FAM222B: variants seen among roughly 807,000 people sequenced by gnomAD.
The protein encoded by FAM222B is protein FAM222B.
A neutral mutation model predicts 38.0 loss-of-function variants in FAM222B; 12 were observed. The ratio of observed to expected loss-of-function variants is 0.32; its 90% CI spans 0.20 to 0.51. The LOEUF (loss-of-function observed/expected upper bound fraction) is 0.51, where lower values mean the gene tolerates loss of function less well. Among genes scored for constraint, FAM222B ranks in the 20% least tolerant of loss-of-function variants. The pLI, the probability that FAM222B is intolerant of heterozygous loss-of-function variation, is 0.97. For missense variants in FAM222B, 716 were observed against 754.2 expected (o/e 0.95, Z 0.59); for synonymous variants, 329 against 317.2 (o/e 1.04, Z -0.40).
At chr17:28,763,981 G>C (rs1567794654) in intron 2 of FAM222B, among the ~76,000 whole-genome samples, 1 of 152,132 alleles carries the variant, frequency 6.6e-6, no homozygotes, top group East Asian at 1.9e-4. Flanking sequence ...TGCCATGGAA[G>C]GAAATCAAAG....
chr17:28,791,650 T>C (rs1037074550), intron 1 of FAM222B, among the ~76,000 whole-genome samples: 4 of 148,368 alleles, frequency 2.7e-5, no homozygotes, highest in African/African-American at 9.9e-5. Flanking sequence ...GGAGATTGAG[T>C]CAGGAGAATC....
At chr17:28,784,434 CCTGTGAAT>C (rs940547831) in intron 1 of FAM222B, among the ~76,000 whole-genome samples, 1 of 129,964 alleles carries the variant, frequency 7.7e-6, no homozygotes, top group Non-Finnish European at 1.6e-5. Flanking sequence ...CATAGTGACA[CCTGTGAAT>C]ATCCACTGTA....
chr17:28,794,192 C>T (rs2036832569), intron 1 of FAM222B, among the ~76,000 whole-genome samples: 1 of 151,298 alleles, frequency 6.6e-6, no homozygotes. Context: ...AATCTAATAA[C>T]AGCACCAGCT....
Position 28,758,237 on chromosome 17 carries a change from T to C in FAM222B, c.*33A>G. On this transcript the variant is annotated 3_prime_UTR_variant, in exon 3 of 3. Coordinates refer to ENST00000581407, the MANE Select transcript of FAM222B (RefSeq NM_001077498.3). ...AGACTAAACCTAGGAGGGTGATGTA[T>C]GATGTGTTGCACGTGGAGGGCAGCA... The C allele has an allele frequency of 4.7e-6, 7 of 1,495,920 alleles. No homozygotes were observed. Among genetic ancestry groups the C allele is most frequent in the Non-Finnish European group, 5.4e-6 (6 of 1,107,958 alleles). The allele number at this position is 1,495,920 out of a possible 1,614,324, so 92.7% of individuals were successfully genotyped here.
intron 1 of FAM222B, among the ~76,000 whole-genome samples, chr17:28,797,233 TG>T (rs2036984989): frequency 6.6e-6 from 1 of 152,018 alleles, no homozygotes; most frequent in Admixed American, 6.6e-5. Context: ...TGGCCTCAAC[TG>T]ATCTGCCCAC....
In FAM222B at chr17:28,854,858, T is replaced by C. The variant is rs181019687; in HGVS notation, c.-41+92A>G. ...CTTGCACAGACTCTAAATACACATTTTCCCCTTTCCTTAGCCTCCACCAGT... is the reference window on the plus strand; with the variant it reads ...CTTGCACAGACTCTAAATACACATTCTCCCCTTTCCTTAGCCTCCACCAGT... On this transcript the variant is annotated intron_variant, in intron 1 of 2. Transcript: ENST00000577513. 6 of 625,286 alleles carry C rather than the reference T, an allele frequency of 9.6e-6. No individual in the cohort carries two copies. The East Asian group carries it at 1.7e-4, about 18-fold the overall frequency. 38.7% of individuals were successfully genotyped at this position (625,286 alleles called of 1,614,324 possible).
rs746524449 is a variant in FAM222B, at chr17:28,758,380, G to C, written c.1579C>G (p.Arg527Gly). 1 of 1,613,754 alleles carries C rather than the reference G, an allele frequency of 6.2e-7. No homozygotes were observed. The highest frequency in any genetic ancestry group is 8.5e-7 in the Non-Finnish European group (1 of 1,179,868). Residue 527 changes from arginine to glycine, a missense_variant, in exon 3 of 3, where the codon CGA becomes GGA. Transcript: ENST00000581407. ...CTCAGCATGGCCAGGCTCTGTTCTC[G>C]GAAGCAGGCCTGTTGGAAATCCCCA... The part of the protein sequence containing the change: ...LSGDFQQACF[R>G]EQSLAMLSKA...
chr17:28,841,415 C>A (rs183650988), intron 1 of FAM222B, among the ~76,000 whole-genome samples: 7 of 152,340 alleles, frequency 4.6e-5, no homozygotes, highest in African/African-American at 1.7e-4. Flanking sequence ...CGCACTGTCA[C>A]CCGAACTGGA....
intron 1 of FAM222B, among the ~76,000 whole-genome samples, chr17:28,853,985 C>A (rs1225422136): frequency 6.7e-6 from 1 of 150,276 alleles, no homozygotes; most frequent in East Asian, 1.9e-4. Flanking sequence ...GCTCTATCGC[C>A]CAGGCTGGAG....
chr17:28,795,248 G>C (rs1231620399), intron 1 of FAM222B, among the ~76,000 whole-genome samples: 1 of 152,134 alleles, frequency 6.6e-6, no homozygotes, highest in African/African-American at 2.4e-5. Flanking sequence ...CACTTCAAGC[G>C]ATTCTCCCAC....
chr17:28,761,440 T>C (rs2035066765), intron 2 of FAM222B, among the ~76,000 whole-genome samples: 2 of 152,208 alleles, frequency 1.3e-5, no homozygotes, highest in South Asian at 4.1e-4. Flanking sequence ...TACTTCCTCC[T>C]CTTGCAAAAG....
rs1268284499 is a variant in FAM222B at position 28,812,758 on chromosome 17, C to G, written c.-41+29924G>C. On this transcript the variant is annotated intron_variant, in intron 1 of 2. Transcript: ENST00000581407. ...TTTGCACCCCTTCTCCCTCTGTCCC[C>G]TTGTCCCCTCCCACTTTCTGCCTGG... Among the ~76,000 whole-genome samples the G allele has an allele frequency of 2.0e-5, 3 of 151,862 alleles. No individual in the cohort carries two copies. In the East Asian group the frequency reaches 5.8e-4, roughly 29 times the overall value.
At chr17:28,847,201 C>T (rs1297891819), upstream of FAM222B, among the ~76,000 whole-genome samples, 2 of 151,144 alleles carry the variant, frequency 1.3e-5, no homozygotes, top group African/African-American at 2.4e-5. Context: ...CCAGCCTGAA[C>T]GACAGAGACT....
chr17:28,808,517 A>G (rs2151918041), intron 1 of FAM222B, among the ~76,000 whole-genome samples: 1 of 152,364 alleles, frequency 6.6e-6, no homozygotes, highest in Non-Finnish European at 1.5e-5. Flanking sequence ...ACCATTCTTT[A>G]GGAAGAGTTC....
chr17:28,839,001 G>A (rs867519847), intron 1 of FAM222B, among the ~76,000 whole-genome samples: 2 of 151,868 alleles, frequency 1.3e-5, no homozygotes, highest in Non-Finnish European at 2.9e-5. Flanking sequence ...TCAGGAGATC[G>A]ACACCATCCT....
At chr17:28,777,282 T>C (rs1166875926) in intron 1 of FAM222B, 1 of 152,222 alleles carries the variant, frequency 6.6e-6, no homozygotes, top group East Asian at 1.9e-4. Context: ...GGAAACCTGC[T>C]TCTAAACTAT....
chr17:28,823,485 T>C (rs1005457880), intron 1 of FAM222B, among the ~76,000 whole-genome samples: 1 of 151,798 alleles, frequency 6.6e-6, no homozygotes, highest in African/African-American at 2.4e-5. Context: ...ACTCAAGCAA[T>C]TCTCCCACCT....
At chr17:28,850,184 T>C (rs923107892) in intron 1 of FAM222B, among the ~76,000 whole-genome samples, 1 of 152,072 alleles carries the variant, frequency 6.6e-6, no homozygotes, top group Non-Finnish European at 1.5e-5. Context: ...GCCTCACTCT[T>C]GATAGCATGA....
intron 1 of FAM222B, among the ~76,000 whole-genome samples, chr17:28,807,623 T>C (rs1285478288): frequency 6.6e-6 from 1 of 152,208 alleles, no homozygotes; most frequent in African/African-American, 2.4e-5. Flanking sequence ...TGGCCTCAAG[T>C]GATCCGTCCG....
Sources: allele counts gnomAD v4.1 joint callset (sites outside exome capture counted in the v4.1 genomes callset), GRCh38; gene constraint gnomAD v4.1.1; transcripts MANE v1.5; gene names NCBI Gene and HGNC (gene_info 2026-07-23, HGNC 2026-07-21).